Variants in ANKRD54 observed in about 807,000 individuals in gnomAD.
ANKRD54 encodes ankyrin repeat domain 54.
Under a neutral mutation model 36.2 loss-of-function variants are expected in ANKRD54, and 26 were observed. That is an observed-to-expected ratio of 0.72 (90% CI 0.53 to 1.00). ANKRD54 has a LOEUF of 1.00. Among genes scored for constraint, ANKRD54 ranks in the 50% least tolerant of loss-of-function variants. The pLI is 0.00. For synonymous variants in ANKRD54, 209 were observed against 188.4 expected, an observed-to-expected ratio of 1.11 and a Z score of -0.89; for missense variants, 384 against 424.3, an observed-to-expected ratio of 0.91 and a Z score of 0.83.
rs143838438 is a variant in ANKRD54 at position 37,838,575 on chromosome 22, C to T, written c.400G>A (p.Ala134Thr). ...TTGTCATCAGCTGCACAGGGATCCG[C>T]GCCATCTTCCAGCAGCTGCTGCACT... ...ETVQQLLEDG[A>T]DPCAADDKGR... Residue 134 changes from alanine (A) to threonine (T), a missense_variant, in exon 3 of 8, where the codon GCG becomes ACG. By Grantham distance (58) the Ala-to-Thr change is moderately conservative (BLOSUM62 0). Coordinates refer to ENST00000215941, the MANE Select transcript of ANKRD54 (RefSeq NM_138797.4). 2.5e-5 allele frequency: 40 copies of T among 1,610,974 alleles called. No individual in the cohort carries two copies. Among genetic ancestry groups the T allele is most frequent in the Non-Finnish European group, 3.2e-5 (38 of 1,179,148 alleles).
intron 1 of ANKRD54, among the ~76,000 whole-genome samples, chr22:37,841,555 C>A (rs2413486): frequency 0.51 from 73,796 of 146,116 alleles, 18,432 homozygotes; most frequent in East Asian, 0.65. Flanking sequence ...CACACACACA[C>A]ACAAAAAACA....
intron 7 of ANKRD54, 24 bp from the exon 8 acceptor site, chr22:37,832,041 G>A (rs1446162364): frequency 2.5e-6 from 4 of 1,605,446 alleles, no homozygotes; most frequent in African/African-American, 2.7e-5. Context: ...CAGAGGCTCT[G>A]TTATGGGACA....
At chr22:37,839,378 A>T (rs563968656) in intron 2 of ANKRD54, among the ~76,000 whole-genome samples, 115 of 151,826 alleles carry the variant, frequency 7.6e-4, no homozygotes, top group African/African-American at 2.7e-3. Context: ...TTTTTAAAAA[A>T]TTTTTTTCTT....
chr22:37,844,459 G>A (rs2145994837), upstream of ANKRD54: 1 of 505,306 alleles, frequency 2.0e-6, no homozygotes, highest in East Asian at 3.5e-5. Flanking sequence ...GAAAGGGAGG[G>A]CACAGTACAA....
At chr22:37,847,583 ATC>A (rs1424377614), upstream of ANKRD54, 1 of 459,144 alleles carries the variant, frequency 2.2e-6, no homozygotes, top group Non-Finnish European at 4.2e-6. Flanking sequence ...GTTAGATCAG[ATC>A]TCTTTCACTG....
At chr22:37,845,956 C>T (rs937074753), upstream of ANKRD54, among the ~76,000 whole-genome samples, 11 of 152,176 alleles carry the variant, frequency 7.2e-5, no homozygotes, top group African/African-American at 2.2e-4. Flanking sequence ...AGGCAGATCA[C>T]GAGGTCAGGA....
At chr22:37,839,865 A>C (rs555749941) in intron 2 of ANKRD54, among the ~76,000 whole-genome samples, 1 of 152,272 alleles carries the variant, frequency 6.6e-6, no homozygotes, top group African/African-American at 2.4e-5. Flanking sequence ...ACAAGTTCCA[A>C]AGTTAGTGCC....
At chr22:37,843,651 C>T (rs1924562657) in intron 1 of ANKRD54, 1 of 261,414 alleles carries the variant, frequency 3.8e-6, no homozygotes, top group South Asian at 1.7e-4. Flanking sequence ...CGTTCCGAGT[C>T]ATGGGAAGTT....
At chr22:37,844,649 C>G (rs572692448), upstream of ANKRD54, among the ~76,000 whole-genome samples, 206 of 152,296 alleles carry the variant, frequency 1.4e-3, 1 homozygote, top group African/African-American at 4.6e-3. Flanking sequence ...TCTCGGCTCA[C>G]TGCAACCTCC....
At chr22:37,846,117 G>C (rs1369240549), upstream of ANKRD54, among the ~76,000 whole-genome samples, 1 of 152,044 alleles carries the variant, frequency 6.6e-6, no homozygotes, top group Non-Finnish European at 1.5e-5. Flanking sequence ...AGAGCTTGCG[G>C]TGAGCCGAGA....
At chr22:37,836,469 AAAAG>A (rs1416405912) in intron 3 of ANKRD54, among the ~76,000 whole-genome samples, 1 of 150,698 alleles carries the variant, frequency 6.6e-6, no homozygotes, top group Non-Finnish European at 1.5e-5. Flanking sequence ...AAAAAAAAAA[AAAAG>A]GACAAAAGAT....
upstream of ANKRD54, among the ~76,000 whole-genome samples, chr22:37,846,370 G>A (rs1306284949): frequency 6.6e-6 from 1 of 152,134 alleles, no homozygotes; most frequent in African/African-American, 2.4e-5. Flanking sequence ...TCAGGCTGGA[G>A]TGCAGTGGTG....
chr22:37,845,021 CA>C (rs10600027), upstream of ANKRD54, among the ~76,000 whole-genome samples: 64,761 of 118,550 alleles, frequency 0.55, 15,557 homozygotes, highest in Middle Eastern at 0.61. Flanking sequence ...TCAATGAACG[CA>C]AAAAAAAAAA....
upstream of ANKRD54, among the ~76,000 whole-genome samples, chr22:37,846,984 G>A (rs1484201357): frequency 1.3e-5 from 2 of 149,982 alleles, no homozygotes; most frequent in African/African-American, 2.4e-5. Flanking sequence ...CTCCCAAGTA[G>A]CTGGGACTAC....
Position 37,844,296 on chromosome 22 carries a change from C to A in ANKRD54, c.-58G>T, listed in dbSNP as rs779951317. On this transcript the variant is annotated 5_prime_UTR_variant, in exon 1 of 8. Transcript: ENST00000215941. ...GCCTCGTTCCCGACCGACCAACGGA[C>A]CTACTTCCCTCCGCCCTGAGTCGTG... 1.3e-6 allele frequency: 2 copies of A among 1,522,698 alleles called. No homozygotes were observed. The highest frequency in any genetic ancestry group is 1.8e-6 in the Non-Finnish European group (2 of 1,137,058). 94.3% of individuals were successfully genotyped at this position (1,522,698 alleles called of 1,614,324 possible).
chr22:37,847,396 A>G (rs890657282), upstream of ANKRD54, among the ~76,000 whole-genome samples: 5 of 151,124 alleles, frequency 3.3e-5, no homozygotes, highest in East Asian at 3.9e-4. Flanking sequence ...TCCTGACCTC[A>G]GGTGATCCAT....
chr22:37,847,133 G>A (rs185908799), upstream of ANKRD54, among the ~76,000 whole-genome samples: 577 of 151,364 alleles, frequency 3.8e-3, 2 homozygotes, highest in Middle Eastern at 0.014. Context: ...GATTACAGGC[G>A]TGAGCCACCG....
chr22:37,833,171 G>T lies in ANKRD54; in HGVS notation c.583C>A (p.Leu195Met). The T allele has an allele frequency of 6.2e-7, 1 of 1,613,888 alleles. No individual in the cohort carries two copies. Among genetic ancestry groups the T allele is most frequent in the Non-Finnish European group, 8.5e-7 (1 of 1,180,004 alleles). ...AGAAACCACATACCTCCTCGTAGCA[G>T]TGTGGTGATGACAGGAACGTGGTTG... ...CTNHVPVITT[L>M]LRGGARVDAL... The change falls in exon 5 of 8, where the codon CTG becomes ATG. Residue 195 changes from leucine (L) to methionine (M), a missense_variant. Transcript: ENST00000215941.
At chr22:37,837,633 G>A (rs1923713506) in intron 3 of ANKRD54, among the ~76,000 whole-genome samples, 1 of 152,196 alleles carries the variant, frequency 6.6e-6, no homozygotes, top group South Asian at 2.1e-4. Context: ...CAAGAACACT[G>A]AGGGAAGACT....
Sources: allele counts gnomAD v4.1 joint callset (sites outside exome capture counted in the v4.1 genomes callset), GRCh38; gene constraint gnomAD v4.1.1; transcripts MANE v1.5; gene names NCBI Gene and HGNC (gene_info 2026-07-23, HGNC 2026-07-21).